Variants in CIT observed in about 807,000 individuals in gnomAD.
The protein encoded by CIT is citron Rho-interacting kinase.
Under a neutral mutation model 272.7 loss-of-function variants are expected in CIT, and 79 were observed. The observed-to-expected ratio is 0.29, with a 90% CI of 0.24 to 0.35. CIT has a LOEUF of 0.35. CIT is among the 10% of genes least tolerant of loss of function. The probability of loss-of-function intolerance (pLI) is 1.00; values close to 1 mark genes in which losing one functional copy is unlikely to be tolerated. For missense variants in CIT, 1,909 were observed against 2,618.3 expected (o/e 0.73, Z 5.91); for synonymous variants, 948 against 995.6 (o/e 0.95, Z 0.90).
Position 119,697,644 on chromosome 12 carries a change from G to A in CIT, c.5882+15C>T. 1.2e-6 allele frequency: 2 copies of A among 1,612,404 alleles called. No individual in the cohort carries two copies. The highest frequency in any genetic ancestry group is 1.7e-6 in the Non-Finnish European group (2 of 1,179,122). On this transcript the variant is annotated intron_variant, in intron 46 of 47. Coordinates refer to ENST00000392521, the MANE Select transcript of CIT (RefSeq NM_001206999.2). This position sits in a 1 kb window ranked among gnomAD's most constrained non-coding sequence, Gnocchi z 4.9. ...ACGTTGCCCCTGGTACTGAGGAAGAGGAGAAGCTGGTTACCTGCGGGAGGT... is the reference window on the plus strand; with the variant it reads ...ACGTTGCCCCTGGTACTGAGGAAGAAGAGAAGCTGGTTACCTGCGGGAGGT...
chr12:119,850,094 G>A (rs1197161499), intron 5 of CIT, 80 bp downstream of exon 5: 2 of 918,872 alleles, frequency 2.2e-6, no homozygotes, highest in South Asian at 2.7e-5. Flanking sequence ...ACATGGGCAA[G>A]AACAACATTC....
chr12:119,759,204 G>T (rs1027231248), intron 20 of CIT, among the ~76,000 whole-genome samples: 1 of 152,192 alleles, frequency 6.6e-6, no homozygotes, highest in Non-Finnish European at 1.5e-5. Context: ...GAACCAGGCC[G>T]CACAGCAGGA....
At chr12:119,832,898 C>T in intron 6 of CIT, 34 bp from the exon 7 acceptor site, 1 of 1,500,870 alleles carries the variant, frequency 6.7e-7, no homozygotes, top group Non-Finnish European at 9.3e-7. Context: ...ATTGCCTCCT[C>T]CATCCCAATC....
Position 119,710,134 on chromosome 12 carries a change from G to A in CIT, c.5071+117C>T. Reference sequence around the variant, plus strand: ...GCTTGGGCATCTATGGGGACACAGAGATAAGAGCTACAACGGCTCCTCTCT... The same window carrying A: ...GCTTGGGCATCTATGGGGACACAGAAATAAGAGCTACAACGGCTCCTCTCT... On this transcript the variant is annotated intron_variant, in intron 39 of 47. Transcript: ENST00000392521. This position sits in a 1 kb window ranked among gnomAD's most constrained non-coding sequence, Gnocchi z 5.6. 8.7e-7 allele frequency: 1 copy of A among 1,152,530 alleles called. No individual in the cohort carries two copies. Among genetic ancestry groups the A allele is most frequent in the Non-Finnish European group, 1.2e-6 (1 of 804,670 alleles). The allele number at this position is 1,152,530 out of a possible 1,614,324, so 71.4% of individuals were successfully genotyped here.
At chr12:119,799,433 C>G (rs1966002068) in intron 10 of CIT, among the ~76,000 whole-genome samples, 1 of 152,134 alleles carries the variant, frequency 6.6e-6, no homozygotes, top group East Asian at 1.9e-4. Flanking sequence ...GGAAGAGGCA[C>G]CAAAAACTGG....
At chr12:119,709,760 G>C (rs1767003616) in intron 39 of CIT, among the ~76,000 whole-genome samples, 1 of 102,856 alleles carries the variant, frequency 9.7e-6, no homozygotes. Flanking sequence ...AATGGTTCAG[G>C]AAAGAGAGAG....
rs750763208 is a variant in CIT at position 119,857,599 on chromosome 12, A to C, written c.338T>G (p.Val113Gly). Residue 113 changes from valine (V) to glycine (G), a missense_variant, in exon 4 of 48, where the codon GTG becomes GGG. Around this residue, in one of 8 missense-constraint regions of CIT, gnomAD observed 529 missense variants for 549.6 expected, o/e 0.96. Transcript: ENST00000392521. ...VGCGHFAEVQ[V>G]VREKATGDIY... ...GTCCCCGGTTGCTTTCTCTCTTACC[A>C]CCTGCACTTCAGCAAAGTGACCACA... 6.2e-7 allele frequency: 1 copy of C among 1,614,140 alleles called. No homozygotes were observed. Among genetic ancestry groups the C allele is most frequent in the Non-Finnish European group, 8.5e-7 (1 of 1,180,030 alleles).
chr12:119,824,643 C>T (rs1288732540), intron 8 of CIT, among the ~76,000 whole-genome samples: 1 of 152,136 alleles, frequency 6.6e-6, no homozygotes, highest in Non-Finnish European at 1.5e-5. Context: ...TATTATTTTC[C>T]ACCACTGCTG....
At chr12:119,734,824 AT>A (rs1188722312) in intron 25 of CIT, among the ~76,000 whole-genome samples, 1 of 151,306 alleles carries the variant, frequency 6.6e-6, no homozygotes, top group Non-Finnish European at 1.5e-5. Flanking sequence ...TTTTATTTTT[AT>A]TTTTTTTAAG....
chr12:119,777,916 G>T (rs1963933936), intron 13 of CIT, among the ~76,000 whole-genome samples: 1 of 152,098 alleles, frequency 6.6e-6, no homozygotes, highest in South Asian at 2.1e-4. Context: ...ACACAAATTG[G>T]ATATGGTACT....
intron 22 of CIT, among the ~76,000 whole-genome samples, chr12:119,755,349 G>C (rs867656850): frequency 2.0e-5 from 3 of 152,154 alleles, no homozygotes; most frequent in Admixed American, 6.5e-5. Flanking sequence ...CATTGTTACT[G>C]TCCCTTGGAG....
At chr12:119,724,694 C>T (rs546868008) in intron 28 of CIT, among the ~76,000 whole-genome samples, 2 of 152,204 alleles carry the variant, frequency 1.3e-5, no homozygotes, top group African/African-American at 4.8e-5. Context: ...AATCCCAGCA[C>T]TTTGGGAGGC....
intron 26 of CIT, among the ~76,000 whole-genome samples, chr12:119,732,423 T>C (rs1257230063): frequency 2.6e-5 from 4 of 151,956 alleles, no homozygotes; most frequent in Non-Finnish European, 5.9e-5. Context: ...GGAGCTGGAC[T>C]TGAGGGTGGG....
chr12:119,766,610 T>C (rs1429707194), intron 19 of CIT, among the ~76,000 whole-genome samples: 1 of 152,192 alleles, frequency 6.6e-6, no homozygotes, highest in Non-Finnish European at 1.5e-5. Context: ...TTGTGTATTT[T>C]AAAATAACTT....
chr12:119,854,027 A>ATTT, intron 4 of CIT, among the ~76,000 whole-genome samples: 1 of 151,340 alleles, frequency 6.6e-6, no homozygotes, highest in African/African-American at 2.4e-5. Context: ...CCTCTACATA[A>ATTT]TTTATTTTTT....
At chr12:119,871,645 G>A (rs1199167064) in intron 2 of CIT, among the ~76,000 whole-genome samples, 1 of 152,086 alleles carries the variant, frequency 6.6e-6, no homozygotes, top group Non-Finnish European at 1.5e-5. Flanking sequence ...CTTGAGCCCA[G>A]GAGTTCAAGA....
intron 23 of CIT, 27 bp from the exon 24 acceptor site, chr12:119,742,491 T>C: frequency 6.3e-7 from 1 of 1,576,930 alleles, no homozygotes; most frequent in Non-Finnish European, 8.7e-7. Context: ...TGATTATAAA[T>C]TTTTCATAGG....
chr12:119,717,371 T>C (rs948651125), intron 32 of CIT, among the ~76,000 whole-genome samples: 1 of 149,368 alleles, frequency 6.7e-6, no homozygotes, highest in Non-Finnish European at 1.5e-5. Flanking sequence ...AAAAAAGGCC[T>C]GAGAGAGAGA....
chr12:119,815,179 C>T (rs1210770736), intron 9 of CIT, among the ~76,000 whole-genome samples: 2 of 146,856 alleles, frequency 1.4e-5, no homozygotes, highest in Non-Finnish European at 3.0e-5. Context: ...AGGCAGGACA[C>T]TAAACAAAAT....
Sources: allele counts gnomAD v4.1 joint callset (sites outside exome capture counted in the v4.1 genomes callset), GRCh38; gene constraint gnomAD v4.1.1; regional missense constraint gnomAD v4.1.1; non-coding constraint Gnocchi (gnomAD v3.1); transcripts MANE v1.5; gene names NCBI Gene and HGNC (gene_info 2026-07-23, HGNC 2026-07-21).